Variants in NEGR1 observed in about 807,000 individuals in gnomAD.
NEGR1 encodes the protein neuronal growth regulator 1, also known as IgLON family member 4.
Under a neutral mutation model 40.9 loss-of-function variants are expected in NEGR1, and 10 were observed. That is an observed-to-expected ratio of 0.24 (90% confidence interval 0.15 to 0.42). NEGR1 has a LOEUF of 0.42. Among genes scored for constraint, NEGR1 ranks in the 10% least tolerant of loss-of-function variants. The pLI, the probability that NEGR1 is intolerant of heterozygous loss-of-function variation, is 1.00. For synonymous variants in NEGR1, 185 were observed against 166.8 expected (o/e 1.11, Z -0.84); for missense variants, 352 against 438.9 (o/e 0.80, Z 1.77).
At chr1:71,888,497 C>T (rs370872914) in intron 2 of NEGR1, among the ~76,000 whole-genome samples, 94 of 151,832 alleles carry the variant, frequency 6.2e-4, no homozygotes, top group African/African-American at 2.0e-3. Context: ...CCGAATATTG[C>T]GATTTTCAGA....
chr1:72,232,575 A>G (rs1193361002), intron 1 of NEGR1, among the ~76,000 whole-genome samples: 1 of 152,138 alleles, frequency 6.6e-6, no homozygotes, highest in Non-Finnish European at 1.5e-5. Flanking sequence ...ATGCTAAAAA[A>G]ACTATGTTGT....
At chr1:71,857,336 G>C (rs1659803707) in intron 2 of NEGR1, among the ~76,000 whole-genome samples, 1 of 151,454 alleles carries the variant, frequency 6.6e-6, no homozygotes, top group African/African-American at 2.4e-5. Context: ...AACAGGCCAG[G>C]CACTGTGGCT....
intron 3 of NEGR1, among the ~76,000 whole-genome samples, chr1:71,706,057 T>C (rs1197209455): frequency 6.6e-6 from 1 of 152,220 alleles, no homozygotes; most frequent in African/African-American, 2.4e-5. Flanking sequence ...TTCATATTGC[T>C]GAAAGAAGTA....
chr1:72,190,452 T>C (rs964488107), intron 1 of NEGR1, among the ~76,000 whole-genome samples: 1 of 151,620 alleles, frequency 6.6e-6, no homozygotes, highest in African/African-American at 2.4e-5. Flanking sequence ...ATGAATTACA[T>C]AGAACTGAGC....
intron 2 of NEGR1, among the ~76,000 whole-genome samples, chr1:71,807,053 C>T (rs372668158): frequency 9.2e-5 from 14 of 151,724 alleles, no homozygotes; most frequent in East Asian, 5.8e-4. Flanking sequence ...CCACAATGCC[C>T]GGCTAATTTT....
intron 4 of NEGR1, among the ~76,000 whole-genome samples, chr1:71,626,446 G>A (rs1269259273): frequency 2.0e-5 from 3 of 147,410 alleles, no homozygotes; most frequent in Non-Finnish European, 4.4e-5. Context: ...CCACCTATGA[G>A]TGAGGACATG....
intron 1 of NEGR1, among the ~76,000 whole-genome samples, chr1:72,272,976 A>G (rs1488142370): frequency 2.0e-5 from 3 of 151,998 alleles, no homozygotes; most frequent in Non-Finnish European, 4.4e-5. Context: ...AAAGTGATTA[A>G]GAGACCAATT....
At chr1:72,144,272 G>A (rs57316908) in intron 1 of NEGR1, among the ~76,000 whole-genome samples, 89 of 151,190 alleles carry the variant, frequency 5.9e-4, no homozygotes, top group Non-Finnish European at 7.0e-4. Context: ...TTATTGATTA[G>A]CCAGGTTTGT....
chr1:71,609,148 A>G (rs1650160098), intron 5 of NEGR1, among the ~76,000 whole-genome samples: 1 of 152,156 alleles, frequency 6.6e-6, no homozygotes, highest in Non-Finnish European at 1.5e-5. Flanking sequence ...GAATTTAAAA[A>G]TTTAACAACC....
chr1:71,792,605 G>A (rs1354851785), intron 2 of NEGR1, among the ~76,000 whole-genome samples: 2 of 151,954 alleles, frequency 1.3e-5, no homozygotes, highest in African/African-American at 4.8e-5. Context: ...TTATTTTATT[G>A]AAAAATAAAA....
At chr1:71,664,655 T>G (rs2101593639) in intron 4 of NEGR1, among the ~76,000 whole-genome samples, 1 of 152,258 alleles carries the variant, frequency 6.6e-6, no homozygotes, top group South Asian at 2.1e-4. Context: ...TAATGAAACC[T>G]TATGAAAATT....
intron 6 of NEGR1, among the ~76,000 whole-genome samples, chr1:71,498,405 A>T (rs1275463458): frequency 6.6e-6 from 1 of 151,944 alleles, no homozygotes; most frequent in South Asian, 2.1e-4. Flanking sequence ...AGTAGAGCAG[A>T]TGTTGTGCTT....
intron 3 of NEGR1, among the ~76,000 whole-genome samples, chr1:71,761,015 T>G (rs958154126): frequency 3.3e-5 from 5 of 152,238 alleles, no homozygotes; most frequent in African/African-American, 4.8e-5. Context: ...ATAATTTTCA[T>G]GTTTTACTGT....
At chr1:72,118,690 T>C (rs932245431) in intron 1 of NEGR1, among the ~76,000 whole-genome samples, 1 of 151,888 alleles carries the variant, frequency 6.6e-6, no homozygotes, top group African/African-American at 2.4e-5. Context: ...AGTACCCAGT[T>C]TCCTAAATTA....
chr1:71,810,622 T>A (rs973946924), intron 2 of NEGR1, among the ~76,000 whole-genome samples: 1 of 152,136 alleles, frequency 6.6e-6, no homozygotes, highest in Non-Finnish European at 1.5e-5. Flanking sequence ...ATCCCCAGTG[T>A]TGGAGGAGAA....
At chr1:72,088,794 CTCTTTT>C (rs1648331577) in intron 1 of NEGR1, among the ~76,000 whole-genome samples, 1 of 101,270 alleles carries the variant, frequency 9.9e-6, no homozygotes, top group African/African-American at 4.1e-5. Context: ...TTCTCTCTCT[CTCTTTT>C]TTTTTTTTTT....
intron 5 of NEGR1, 123 bp downstream of exon 5, chr1:71,610,903 C>A (rs1341767673): frequency 2.1e-6 from 2 of 959,238 alleles, no homozygotes; most frequent in East Asian, 4.8e-5. Flanking sequence ...AGTTTGCTTG[C>A]TGGAGAGGAG....
intron 2 of NEGR1, among the ~76,000 whole-genome samples, chr1:71,915,188 T>A (rs1377297366): frequency 6.6e-6 from 1 of 152,150 alleles, no homozygotes; most frequent in African/African-American, 2.4e-5. Context: ...ATTCTGATTT[T>A]AAAAAGTGAC....
chr1:72,274,922 T>C, intron 1 of NEGR1: 1 of 1,573,300 alleles, frequency 6.4e-7, no homozygotes, highest in South Asian at 1.1e-5. Flanking sequence ...AAGTCAGATA[T>C]CTACGTCTGC....
Sources: allele counts gnomAD v4.1 joint callset (sites outside exome capture counted in the v4.1 genomes callset), GRCh38; gene constraint gnomAD v4.1.1; transcripts MANE v1.5; gene names NCBI Gene and HGNC (gene_info 2026-07-23, HGNC 2026-07-21).